Variants in PWWP2A observed in about 807,000 individuals in gnomAD.
PWWP2A encodes PWWP domain containing 2A.
Under a neutral mutation model 48.5 loss-of-function variants are expected in PWWP2A, and 18 were observed. The ratio of observed to expected loss-of-function variants is 0.37; its 90% CI spans 0.26 to 0.55. The LOEUF is 0.55. PWWP2A is among the 20% of genes least tolerant of loss of function. PWWP2A has a pLI of 0.81. For synonymous variants in PWWP2A, 396 were observed against 387.7 expected (o/e 1.02, Z -0.25); for missense variants, 867 against 976.4 (o/e 0.89, Z 1.49).
the PWWP2A span, chr5:160,051,325 C>A: frequency 1.7e-6 from 1 of 601,752 alleles, no homozygotes. Context: ...ATTTTGACCC[C>A]AGAAGGGGCA....
chr5:160,102,010 T>TGA (rs1444061889), intron 1 of PWWP2A, among the ~76,000 whole-genome samples: 1 of 150,298 alleles, frequency 6.7e-6, no homozygotes, highest in African/African-American at 2.5e-5. Context: ...CTTGGGAGAC[T>TGA]GAGGCAGGAG....
the PWWP2A span, among the ~76,000 whole-genome samples, chr5:160,044,630 A>G: frequency 2.0e-5 from 3 of 152,322 alleles, no homozygotes; most frequent in East Asian, 5.8e-4. Context: ...GGGAGCAGTG[A>G]GGATGACCAG....
At chr5:160,089,559 G>A (rs1754903890), downstream of PWWP2A, 1 of 1,288,162 alleles carries the variant, frequency 7.8e-7, no homozygotes, top group Non-Finnish European at 1.0e-6. Flanking sequence ...GTAAATGAGA[G>A]TTGAATGGAT....
intron 2 of PWWP2A, among the ~76,000 whole-genome samples, chr5:160,083,339 A>G (rs1270982343): frequency 6.6e-6 from 1 of 152,194 alleles, no homozygotes; most frequent in African/African-American, 2.4e-5. Context: ...AAAAATGACT[A>G]TCCTCTGGAA....
chr5:160,066,142 G>A (rs1380732983), intron 4 of PWWP2A, among the ~76,000 whole-genome samples: 1 of 152,014 alleles, frequency 6.6e-6, no homozygotes, highest in East Asian at 1.9e-4. Flanking sequence ...GTGAACCTCA[G>A]AAGAAACTGT....
At chr5:160,044,351 A>T in the PWWP2A span, among the ~76,000 whole-genome samples, 7 of 152,254 alleles carry the variant, frequency 4.6e-5, no homozygotes, top group Non-Finnish European at 7.3e-5. Flanking sequence ...AGAAATAAAG[A>T]AACAAAAGAA....
intron 1 of PWWP2A, among the ~76,000 whole-genome samples, chr5:160,115,606 T>A (rs2113686396): frequency 6.6e-6 from 1 of 151,610 alleles, no homozygotes; most frequent in East Asian, 2.0e-4. Flanking sequence ...GGCAGGAGAT[T>A]CACTTGAACC....
chr5:160,117,357 T>TAA (rs1758242100), intron 1 of PWWP2A, among the ~76,000 whole-genome samples: 1 of 151,974 alleles, frequency 6.6e-6, no homozygotes, highest in African/African-American at 2.4e-5. Flanking sequence ...AAATTATTTT[T>TAA]AAAAAAGATA....
chr5:160,080,623 T>C (rs1396550010), intron 3 of PWWP2A: 3 of 1,505,108 alleles, frequency 2.0e-6, no homozygotes, highest in African/African-American at 2.8e-5. Flanking sequence ...CCCTCTTCAC[T>C]TTGTGGCAGG....
At chr5:160,094,192 C>A in intron 1 of PWWP2A, 127 bp from the exon 2 acceptor site, 1 of 1,176,218 alleles carries the variant, frequency 8.5e-7, no homozygotes, top group Non-Finnish European at 1.1e-6. Context: ...TATTAAAAAA[C>A]AAGACTACAA....
intron 1 of PWWP2A, chr5:160,105,657 T>C (rs1393594627): frequency 3.1e-6 from 3 of 977,836 alleles, no homozygotes; most frequent in Non-Finnish European, 3.6e-6. Flanking sequence ...AATTTCCTCA[T>C]AAGCCATCAG....
the PWWP2A span, among the ~76,000 whole-genome samples, chr5:160,055,047 A>G: frequency 6.6e-6 from 1 of 152,128 alleles, no homozygotes; most frequent in East Asian, 1.9e-4. Flanking sequence ...GGTTCTTTGC[A>G]CATGAGTCAT....
chr5:160,105,929 A>T (rs560789716), intron 1 of PWWP2A, among the ~76,000 whole-genome samples: 81 of 152,334 alleles, frequency 5.3e-4, no homozygotes, highest in African/African-American at 1.6e-3. Flanking sequence ...CCTCTTATGA[A>T]CAAGTAGGTT....
intron 1 of PWWP2A, among the ~76,000 whole-genome samples, chr5:160,102,506 GC>G (rs1309450447): frequency 1.3e-5 from 2 of 151,642 alleles, no homozygotes; most frequent in Non-Finnish European, 2.9e-5. Flanking sequence ...ATTAAGTCCA[GC>G]CTGGGCAACA....
At chr5:160,106,820 CTTTTTTTTTTT>C (rs764479391) in intron 1 of PWWP2A, among the ~76,000 whole-genome samples, 208 of 119,770 alleles carry the variant, frequency 1.7e-3, no homozygotes, top group African/African-American at 5.2e-3. Flanking sequence ...AACCATTAAC[CTTTTTTTTTTT>C]TTTTTTTTTT....
chr5:160,092,086 A>T lies in PWWP2A; in HGVS notation c.*296T>A. ...GTATTAGGTACAAATGGCAATTAAC[A>T]GTCCCTACAAAAATTCAATTTCAGT... On this transcript the variant is annotated 3_prime_UTR_variant, in exon 2 of 2. Transcript: ENST00000307063. 1 of 1,089,174 alleles carries T rather than the reference A, an allele frequency of 9.2e-7. No homozygotes were observed. The highest frequency in any genetic ancestry group is 3.3e-5 in the South Asian group (1 of 30,596). 67.5% of individuals were successfully genotyped at this position (1,089,174 alleles called of 1,614,324 possible). A position where few individuals can be genotyped will look rare whatever the true frequency, so the allele number is the denominator to read the frequency against.
intron 4 of PWWP2A, chr5:160,064,924 C>T: frequency 6.2e-7 from 1 of 1,605,104 alleles, no homozygotes; most frequent in Non-Finnish European, 8.5e-7. Context: ...TTTGCTTTTA[C>T]ATTACAGGTA....
chr5:160,048,126 C>CTTT, the PWWP2A span, among the ~76,000 whole-genome samples: 5 of 35,570 alleles, frequency 1.4e-4, 2 homozygotes, highest in Non-Finnish European at 2.3e-4. Context: ...CAAGACATTG[C>CTTT]TTTTTTTTTT....
intron 1 of PWWP2A, among the ~76,000 whole-genome samples, chr5:160,109,774 AATATATAT>A (rs1223846862): frequency 4.4e-3 from 110 of 25,192 alleles, no homozygotes; most frequent in East Asian, 7.1e-3. Flanking sequence ...AAAAAAAAAA[AATATATAT>A]ATATATATAT....
Sources: allele counts gnomAD v4.1 joint callset (sites outside exome capture counted in the v4.1 genomes callset), GRCh38; gene constraint gnomAD v4.1.1; transcripts MANE v1.5; gene names NCBI Gene and HGNC (gene_info 2026-07-23, HGNC 2026-07-21).